Variants in SATB2 observed in about 807,000 individuals in gnomAD.
SATB2 encodes SATB homeobox 2.
In SATB2, 1 loss-of-function variant was observed where a neutral mutation model predicts 73.4. That is an observed-to-expected ratio of 0.01 (90% CI 0.00 to 0.06). SATB2 has a LOEUF of 0.06. Among genes scored for constraint, SATB2 ranks in the 10% least tolerant of loss-of-function variants. SATB2 has a pLI of 1.00. For synonymous variants in SATB2, 397 were observed against 367.0 expected (o/e 1.08, Z -0.93); for missense variants, 459 against 945.8 (o/e 0.49, Z 6.75).
intron 5 of SATB2, among the ~76,000 whole-genome samples, chr2:199,377,963 T>C (rs917653498): frequency 4.0e-5 from 6 of 151,868 alleles, no homozygotes; most frequent in African/African-American, 1.2e-4. Flanking sequence ...GTTTTTATGA[T>C]AGGGTTAAAG....
intron 9 of SATB2, among the ~76,000 whole-genome samples, chr2:199,313,663 C>A (rs1687654014): frequency 6.6e-6 from 1 of 152,122 alleles, no homozygotes; most frequent in African/African-American, 2.4e-5. Context: ...ATTTACAAAG[C>A]AAATCACATT....
chr2:199,359,870 T>C (rs907821445), intron 6 of SATB2, among the ~76,000 whole-genome samples: 9 of 152,306 alleles, frequency 5.9e-5, no homozygotes, highest in Admixed American at 3.3e-4. Context: ...TAGATGATTA[T>C]AGATTCATGT....
intron 2 of SATB2, among the ~76,000 whole-genome samples, chr2:199,440,511 A>C (rs1013400780): frequency 1.3e-5 from 2 of 152,214 alleles, no homozygotes; most frequent in African/African-American, 4.8e-5. Flanking sequence ...GTAGTATAAT[A>C]AGAAACAGTA....
chr2:199,403,713 G>C (rs1433414506), intron 3 of SATB2, among the ~76,000 whole-genome samples: 1 of 152,094 alleles, frequency 6.6e-6, no homozygotes, highest in African/African-American at 2.4e-5. Context: ...CTCCAATTTA[G>C]AAATCTTTAT....
Position 199,286,103 on chromosome 2 carries a change from C to G in SATB2, c.1741-13431G>C, listed in dbSNP as rs947543381. 2.7e-5 allele frequency among the ~76,000 whole-genome samples: 4 copies of G among 146,770 alleles called. No individual in the cohort carries two copies. In the Admixed American group the frequency reaches 2.8e-4, roughly 10 times the overall value. ...TTCCTCTTTGGTTATAAATTGAGAA[C>G]AACTATACCAACAGCTTTGGTATAG... On this transcript the variant is annotated intron_variant, in intron 10 of 10. Coordinates refer to ENST00000417098, the MANE Select transcript of SATB2 (RefSeq NM_001172509.2).
At chr2:199,416,904 C>G (rs925192453) in intron 3 of SATB2, among the ~76,000 whole-genome samples, 4 of 151,948 alleles carry the variant, frequency 2.6e-5, no homozygotes, top group Non-Finnish European at 5.9e-5. Flanking sequence ...GGTATGGTGG[C>G]AGGTGCCTGT....
chr2:199,470,080 C>T (rs1168884476), upstream of SATB2: 1 of 152,466 alleles, frequency 6.6e-6, no homozygotes, highest in Non-Finnish European at 1.5e-5. Flanking sequence ...AAGCTGGTCA[C>T]CCGGCTGGGA....
At chr2:199,424,189 C>A (rs866251891) in intron 3 of SATB2, among the ~76,000 whole-genome samples, 1 of 152,220 alleles carries the variant, frequency 6.6e-6, no homozygotes, top group South Asian at 2.1e-4. Context: ...ACGTGCTCTA[C>A]AGCCTTGACT....
chr2:199,359,537 G>T (rs1210589187), intron 6 of SATB2, among the ~76,000 whole-genome samples: 1 of 151,984 alleles, frequency 6.6e-6, no homozygotes, highest in Non-Finnish European at 1.5e-5. Flanking sequence ...TAGCAAATAA[G>T]ATCAGTGCAC....
At position 199,455,721 on chromosome 2, in the gene SATB2, A is replaced by G. The variant is rs1692251980; in HGVS notation, c.169+148T>C. 6 of 868,166 alleles carry G rather than the reference A, an allele frequency of 6.9e-6. No individual in the cohort carries two copies. The highest frequency in any genetic ancestry group is 1.1e-5 in the Non-Finnish European group (6 of 558,314). 53.8% of individuals were successfully genotyped at this position (868,166 alleles called of 1,614,324 possible). A position where few individuals can be genotyped will look rare whatever the true frequency, so the allele number is the denominator to read the frequency against. On this transcript the variant is annotated intron_variant, in intron 2 of 10. Coordinates refer to ENST00000417098, the MANE Select transcript of SATB2 (RefSeq NM_001172509.2). This position sits in a 1 kb window ranked among gnomAD's most constrained non-coding sequence, Gnocchi z 4.1. ...CTGGAGATGAAGCTACCAGTTGCAG[A>G]TGAGAGGCGACGGGGGCATTATTTG... is the stretch of plus-strand genomic sequence containing the variant.
At chr2:199,470,821 C>A (rs1253742577) in intron 1 of SATB2, 1 of 152,328 alleles carries the variant, frequency 6.6e-6, no homozygotes, top group Admixed American at 6.5e-5. Context: ...GCACCCTTGC[C>A]GGAGCCTCCG....
upstream of SATB2, chr2:199,470,098 T>C (rs1692675352): frequency 6.6e-6 from 1 of 152,372 alleles, no homozygotes; most frequent in South Asian, 2.1e-4. Flanking sequence ...GGAATCAAGA[T>C]TGTGTGGCTG....
Position 199,308,250 on chromosome 2 carries a change from A to G in SATB2, c.1740+510T>C, listed in dbSNP as rs1338507219. Among the ~76,000 whole-genome samples, 2 of 152,192 alleles carry G rather than the reference A, an allele frequency of 1.3e-5. No homozygotes were observed. The highest frequency in any genetic ancestry group is 2.9e-5 in the Non-Finnish European group (2 of 68,024). On this transcript the variant is annotated intron_variant, in intron 10 of 10. Transcript: ENST00000417098. This position sits in a 1 kb window ranked among gnomAD's most constrained non-coding sequence, Gnocchi z 4.6. The stretch of plus-strand genomic sequence containing the variant: ...ACCAAAGACAGCAAAAACTCATCTT[A>G]AAATTCTAAGAATCTGTCACAATCT...
At chr2:199,447,586 G>C (rs1369040383) in intron 2 of SATB2, among the ~76,000 whole-genome samples, 1 of 152,122 alleles carries the variant, frequency 6.6e-6, no homozygotes, top group South Asian at 2.1e-4. Flanking sequence ...AAAAAAGGAG[G>C]GGGAGAGAGT....
intron 6 of SATB2, among the ~76,000 whole-genome samples, chr2:199,364,975 G>T (rs73067533): frequency 0.018 from 2,718 of 152,116 alleles, 84 homozygotes; most frequent in African/African-American, 0.061. Context: ...GATGGGGAAA[G>T]TTCACATCAA....
chr2:199,316,646 C>A lies in SATB2; in HGVS notation c.1542+7157G>T, dbSNP rs78173962. Among the ~76,000 whole-genome samples the A allele has an allele frequency of 7.6e-3, 1,162 of 152,118 alleles. 20 individuals are homozygous for A. The highest frequency in any genetic ancestry group is 0.026 in the African/African-American group (1,091 of 41,444). Reference sequence around the variant, plus strand: ...GAGTAATGAAAATTTTATTTCAGAACAGCCCTTTAAACCTCTGCTGGGCTC... The same window carrying A: ...GAGTAATGAAAATTTTATTTCAGAAAAGCCCTTTAAACCTCTGCTGGGCTC... On this transcript the variant is annotated intron_variant, in intron 9 of 10. Transcript: ENST00000417098.
chr2:199,458,762 C>T (rs1354205365), upstream of SATB2: 1 of 409,012 alleles, frequency 2.4e-6, no homozygotes, highest in East Asian at 1.2e-4. Flanking sequence ...CCACCCACCG[C>T]CTCCGCCCAC....
intron 3 of SATB2, among the ~76,000 whole-genome samples, chr2:199,418,521 C>T (rs1476419068): frequency 6.6e-6 from 1 of 152,070 alleles, no homozygotes; most frequent in East Asian, 1.9e-4. Flanking sequence ...AATTTTTTCA[C>T]ATTTTATTAG....
rs1178237546 is a variant in SATB2, at chr2:199,272,911, T to C, written c.1741-239A>G. ...TTATATTCTGAGATGCAAAGTCAAG[T>C]CATTTATTGCCTAAGGTCATCTCAC... On this transcript the variant is annotated intron_variant, in intron 10 of 10. Transcript: ENST00000417098. The surrounding 1 kb of genome is among the most constrained non-coding windows in gnomAD (Gnocchi z 6.7). Among the ~76,000 whole-genome samples, 2 of 152,150 alleles carry C rather than the reference T, an allele frequency of 1.3e-5. No individual in the cohort carries two copies. Among genetic ancestry groups the C allele is most frequent in the African/African-American group, 4.8e-5 (2 of 41,426 alleles).
Sources: allele counts gnomAD v4.1 joint callset (sites outside exome capture counted in the v4.1 genomes callset), GRCh38; gene constraint gnomAD v4.1.1; non-coding constraint Gnocchi (gnomAD v3.1); transcripts MANE v1.5; gene names NCBI Gene and HGNC (gene_info 2026-07-23, HGNC 2026-07-21).